BCORL1: variants seen among roughly 807,000 people sequenced by gnomAD.
BCORL1 encodes the protein BCL-6 corepressor-like protein 1.
BCORL1 carries 7 observed loss-of-function variants against 87.6 expected under a neutral mutation model. The ratio of observed to expected loss-of-function variants is 0.08; its 90% CI spans 0.05 to 0.15. The LOEUF is 0.15. BCORL1 is among the 10% of genes least tolerant of loss of function. The pLI is 1.00. For synonymous variants in BCORL1, 591 were observed against 634.4 expected (o/e 0.93, Z 1.03); for missense variants, 1,215 against 1,499.7 (o/e 0.81, Z 3.13).
At chrX:130,055,205 C>T (rs866457625) in intron 13 of BCORL1, among the ~76,000 whole-genome samples, 3 of 112,686 alleles carry the variant, frequency 2.7e-5, no homozygotes, top group Non-Finnish European at 5.6e-5. Context: ...GCCACCCAGT[C>T]GGGTGTGCTC....
chrX:130,025,566 G>A (rs755113835), intron 7 of BCORL1, among the ~76,000 whole-genome samples, 187 bp downstream of exon 7: 3 of 111,268 alleles, frequency 2.7e-5, no homozygotes, highest in South Asian at 3.8e-4. Flanking sequence ...GAATGAGTTC[G>A]GATTGGCCTG....
intron 2 of BCORL1, among the ~76,000 whole-genome samples, chrX:130,006,056 G>A (rs1928465646): frequency 2.7e-5 from 3 of 111,936 alleles, no homozygotes; most frequent in Non-Finnish European, 1.9e-5. Flanking sequence ...CTGGGAACTG[G>A]CAGTGGGCAT....
chrX:129,986,328 G>C (rs1926619231), intron 1 of BCORL1, among the ~76,000 whole-genome samples: 1 of 112,253 alleles, frequency 8.9e-6, no homozygotes, highest in African/African-American at 3.2e-5. Context: ...GCTGGAGTCT[G>C]CATAGGGCAG....
rs375417549 is a variant in BCORL1, at chrX:130,016,246, G to A, written c.3441+33G>A. The A allele has an allele frequency of 3.1e-5, 36 of 1,155,948 alleles. No homozygotes were observed. In the African/African-American group the frequency reaches 4.6e-4, roughly 15 times the overall value. On this transcript the variant is annotated intron_variant, in intron 4 of 13. Coordinates refer to ENST00000540052, the MANE Select transcript of BCORL1 (RefSeq NM_001379451.1). Reference sequence around the variant, plus strand: ...CTGAGCTAAGGTCCAGGGTGGGGCCGAGATGCCGCTGGTCTACTTCGTGCC... The same window carrying A: ...CTGAGCTAAGGTCCAGGGTGGGGCCAAGATGCCGCTGGTCTACTTCGTGCC...
chrX:130,022,236 C>CTTTTTTTTTTTTTTTTTT (rs34598574), intron 5 of BCORL1, among the ~76,000 whole-genome samples: 1 of 56,335 alleles, frequency 1.8e-5, no homozygotes, highest in South Asian at 9.2e-4. Flanking sequence ...TTCTTTCTTT[C>CTTTTTTTTTTTTTTTTTT]TTTTTTTTTT....
intron 1 of BCORL1, among the ~76,000 whole-genome samples, chrX:129,993,157 T>G (rs1927314164): frequency 8.9e-6 from 1 of 112,109 alleles, no homozygotes; most frequent in South Asian, 3.7e-4. Flanking sequence ...TTGCTTTGCC[T>G]TTTGAAAGGA....
At chrX:129,990,088 C>G (rs538828903) in intron 1 of BCORL1, among the ~76,000 whole-genome samples, 51 of 110,156 alleles carry the variant, frequency 4.6e-4, no homozygotes, top group African/African-American at 1.5e-3. Flanking sequence ...GCCCGGCCCA[C>G]TTAACTTTGT....
chrX:129,983,926 C>A (rs1445585218), intron 1 of BCORL1, among the ~76,000 whole-genome samples: 3 of 109,661 alleles, frequency 2.7e-5, no homozygotes, highest in Non-Finnish European at 3.8e-5. Flanking sequence ...CAGGGGCAAT[C>A]CCCCGGCCCT....
chrX:130,021,331 G>GC (rs1929795017), intron 5 of BCORL1, 181 bp downstream of exon 5: 1 of 732,231 alleles, frequency 1.4e-6, no homozygotes, highest in Admixed American at 8.8e-5. Flanking sequence ...AGGATCGGGG[G>GC]CCCCTTCTGC....
intron 4 of BCORL1, among the ~76,000 whole-genome samples, chrX:130,016,622 G>A (rs1260109154): frequency 8.9e-6 from 1 of 112,198 alleles, no homozygotes; most frequent in Non-Finnish European, 1.9e-5. Context: ...TAGGGATGGG[G>A]AGAGCAGGGG....
At chrX:129,989,646 T>C (rs1185640335) in intron 1 of BCORL1, among the ~76,000 whole-genome samples, 1 of 103,649 alleles carries the variant, frequency 9.6e-6, no homozygotes, top group South Asian at 4.5e-4. Context: ...TCTGTATTTT[T>C]AGTAGAGACG....
At chrX:130,037,661 G>C (rs2124533350) in intron 10 of BCORL1, 128 bp downstream of exon 10, 1 of 789,263 alleles carries the variant, frequency 1.3e-6, no homozygotes, top group Non-Finnish European at 1.8e-6. Context: ...GGGAGGCCAA[G>C]GCGGGCGGAT....
chrX:130,005,286 C>G lies in BCORL1; in HGVS notation c.55C>G (p.Arg19Gly). 1 of 1,211,732 alleles carries G rather than the reference C, an allele frequency of 8.3e-7. No homozygotes were observed. The highest frequency in any genetic ancestry group is 1.1e-6 in the Non-Finnish European group (1 of 895,391). ...SGVHNWTSSDRIRMCGINEER... is the reference protein window; with the variant it reads ...SGVHNWTSSDGIRMCGINEER... ...CGTGCACAACTGGACCAGTTCTGAC[C>G]GGATTCGCATGTGTGGCATCAACGA... The change falls in exon 2 of 14, where the codon CGG becomes GGG. Residue 19 changes from arginine to glycine, a missense_variant. Coordinates refer to ENST00000540052, the MANE Select transcript of BCORL1 (RefSeq NM_001379451.1).
chrX:130,002,361 C>T (rs1030552503), intron 1 of BCORL1, among the ~76,000 whole-genome samples: 1 of 108,880 alleles, frequency 9.2e-6, no homozygotes, highest in Admixed American at 1.0e-4. Flanking sequence ...CGAGCTGAAA[C>T]TGTGGAAGCT....
chrX:130,043,033 T>TC (rs201771396), intron 11 of BCORL1, among the ~76,000 whole-genome samples: 7 of 91,039 alleles, frequency 7.7e-5, no homozygotes, highest in African/African-American at 1.8e-4. Context: ...GTACATTCTC[T>TC]TTTTTTTTTT....
intron 8 of BCORL1, among the ~76,000 whole-genome samples, chrX:130,032,321 A>C (rs910041990): frequency 3.6e-5 from 4 of 111,158 alleles, no homozygotes; most frequent in African/African-American, 9.8e-5. Context: ...TGGCTGGCAC[A>C]TTGATGCTGG....
intron 2 of BCORL1, among the ~76,000 whole-genome samples, chrX:130,008,811 T>C (rs1280174078): frequency 8.9e-6 from 1 of 112,325 alleles, no homozygotes; most frequent in Non-Finnish European, 1.9e-5. Context: ...CTTTGGCAGC[T>C]GCAATTGAGG....
intron 1 of BCORL1, among the ~76,000 whole-genome samples, chrX:129,995,548 C>T (rs754256493): frequency 9.0e-6 from 1 of 111,240 alleles, no homozygotes; most frequent in Non-Finnish European, 1.9e-5. Flanking sequence ...TCAAGTGATT[C>T]CCCTGCCTCA....
intron 11 of BCORL1, among the ~76,000 whole-genome samples, chrX:130,049,232 C>T (rs749305857): frequency 2.7e-4 from 30 of 112,572 alleles, no homozygotes; most frequent in Non-Finnish European, 4.9e-4. Context: ...AACTTTTCCA[C>T]AGCAGCTGAA....
Sources: gnomAD v4.1 joint callset for allele counts (sites outside exome capture counted in the v4.1 genomes callset) on GRCh38, gnomAD v4.1.1 for gene constraint, MANE v1.5 for transcripts, NCBI Gene and HGNC (gene_info 2026-07-23, HGNC 2026-07-21) for gene names.